The following HDAC9 variants were observed in gnomAD, a reference collection of about 807,000 sequenced individuals.
HDAC9 encodes the protein histone deacetylase 9, also known as MEF-2 interacting transcription repressor (MITR) protein.
In HDAC9, 41 loss-of-function variants were observed where a neutral mutation model predicts 139.4. The observed-to-expected ratio is 0.29, with a 90% CI of 0.23 to 0.38. HDAC9 has a LOEUF of 0.38. Among genes scored for constraint, HDAC9 ranks in the 10% least tolerant of loss-of-function variants. HDAC9 has a pLI of 1.00. For missense variants in HDAC9, 1,147 were observed against 1,297.0 expected (o/e 0.88, Z 1.78); for synonymous variants, 517 against 476.2 (o/e 1.09, Z -1.12).
intron 1 of HDAC9, among the ~76,000 whole-genome samples, chr7:18,399,257 G>T (rs534584094): frequency 3.2e-4 from 49 of 152,192 alleles, no homozygotes; most frequent in Admixed American, 4.6e-4. Flanking sequence ...AGGTGGTACT[G>T]AGTAAAACAA....
At chr7:18,224,683 A>C (rs1166907652) in intron 2 of HDAC9, among the ~76,000 whole-genome samples, 1 of 152,176 alleles carries the variant, frequency 6.6e-6, no homozygotes, top group Non-Finnish European at 1.5e-5. Context: ...CCCATAACCA[A>C]GAGAAAGGAG....
At chr7:18,767,667 G>C (rs1256957985) in intron 16 of HDAC9, among the ~76,000 whole-genome samples, 1 of 152,136 alleles carries the variant, frequency 6.6e-6, no homozygotes, top group Non-Finnish European at 1.5e-5. Context: ...GAAGCCTTTT[G>C]ACTCAACATA....
At chr7:18,662,465 T>A (rs947688588) in intron 11 of HDAC9, among the ~76,000 whole-genome samples, 8 of 151,696 alleles carry the variant, frequency 5.3e-5, no homozygotes, top group Middle Eastern at 3.4e-3. Context: ...GCTGAAAGAG[T>A]ACTAGTGAGA....
intron 6 of HDAC9, among the ~76,000 whole-genome samples, chr7:18,622,043 A>C (rs767692240): frequency 3.3e-5 from 5 of 152,204 alleles, no homozygotes; most frequent in Non-Finnish European, 7.3e-5. Flanking sequence ...TAGGTGATAG[A>C]TTATAATAAG....
At chr7:18,152,256 G>A (rs1472444498) in intron 1 of HDAC9, among the ~76,000 whole-genome samples, 1 of 152,078 alleles carries the variant, frequency 6.6e-6, no homozygotes, top group Non-Finnish European at 1.5e-5. Context: ...CATCCCTAGT[G>A]ACCCTGCAAG....
At chr7:18,228,459 T>C (rs1793220288) in intron 2 of HDAC9, among the ~76,000 whole-genome samples, 2 of 152,202 alleles carry the variant, frequency 1.3e-5, no homozygotes, top group Non-Finnish European at 2.9e-5. Flanking sequence ...GTCACTGTGA[T>C]AAAGGAAATC....
At chr7:18,162,085 AC>A (rs1787664839) in intron 1 of HDAC9, 4 of 493,144 alleles carry the variant, frequency 8.1e-6, no homozygotes, top group African/African-American at 7.8e-5. Flanking sequence ...AGACTTAGAG[AC>A]CTGTAAGGTT....
rs559501851 is a variant in HDAC9 at position 18,578,610 on chromosome 7, A to T, written c.23-6671A>T. ...AAGATCACATCTGGCTTTTTTGGGG[A>T]CATTTATCAGGCAAAGAACATAACC... On this transcript the variant is annotated intron_variant, in intron 2 of 25. Coordinates refer to ENST00000686413, the MANE Select transcript of HDAC9 (RefSeq NM_178425.4). Among the ~76,000 whole-genome samples the T allele has an allele frequency of 3.9e-5, 6 of 152,280 alleles. No homozygotes were observed. In the South Asian group the frequency reaches 1.2e-3, roughly 32 times the overall value.
intron 6 of HDAC9, among the ~76,000 whole-genome samples, chr7:18,627,822 T>C (rs1842104576): frequency 6.6e-6 from 1 of 152,184 alleles, no homozygotes. Context: ...TTTTATCTTT[T>C]CAGTATTTTC....
At chr7:18,893,949 C>T (rs1302603519) in intron 22 of HDAC9, among the ~76,000 whole-genome samples, 1 of 152,046 alleles carries the variant, frequency 6.6e-6, no homozygotes, top group African/African-American at 2.4e-5. Context: ...CCCACAGTGC[C>T]AAAGGAAGAA....
chr7:18,275,227 C>T (rs903598669), intron 2 of HDAC9, among the ~76,000 whole-genome samples: 1 of 152,190 alleles, frequency 6.6e-6, no homozygotes, highest in Non-Finnish European at 1.5e-5. Context: ...CAGTCAGAAA[C>T]TCCTCTTGTC....
At position 18,552,830 on chromosome 7, in the gene HDAC9, G is replaced by A. The variant is rs559439096; in HGVS notation, c.23-32451G>A. 9.9e-5 allele frequency among the ~76,000 whole-genome samples: 15 copies of A among 152,230 alleles called. No individual in the cohort carries two copies. The East Asian group carries it at 1.7e-3, about 18-fold the overall frequency. ...TGACTCTAGAGGTAAACCTGTACCC[G>A]GCATTTCAGTGTGTATGTGTGTTTG... is the stretch of plus-strand genomic sequence containing the variant. On this transcript the variant is annotated intron_variant, in intron 2 of 25. Transcript: ENST00000686413.
At chr7:18,249,965 C>G (rs1329549801) in intron 2 of HDAC9, among the ~76,000 whole-genome samples, 2 of 152,118 alleles carry the variant, frequency 1.3e-5, no homozygotes, top group East Asian at 1.9e-4. Flanking sequence ...AATGTCTTTT[C>G]AGCTGTGAAG....
At chr7:18,539,140 A>C (rs1170659667) in intron 2 of HDAC9, among the ~76,000 whole-genome samples, 1 of 152,220 alleles carries the variant, frequency 6.6e-6, no homozygotes, top group African/African-American at 2.4e-5. Context: ...TTTAGGGAAC[A>C]CAGAAACACA....
chr7:18,985,605 A>C (rs921355014), intron 25 of HDAC9, among the ~76,000 whole-genome samples: 3 of 149,004 alleles, frequency 2.0e-5, no homozygotes, highest in African/African-American at 7.5e-5. Context: ...TGGCTGGGTC[A>C]AATGGTATTT....
At chr7:18,105,867 A>G (rs946123919) in intron 1 of HDAC9, among the ~76,000 whole-genome samples, 1 of 152,244 alleles carries the variant, frequency 6.6e-6, no homozygotes, top group Non-Finnish European at 1.5e-5. Context: ...AATGTGGTGT[A>G]GTTGCACAAT....
chr7:18,728,112 C>T (rs953849071), intron 13 of HDAC9, among the ~76,000 whole-genome samples: 1 of 152,170 alleles, frequency 6.6e-6, no homozygotes, highest in African/African-American at 2.4e-5. Flanking sequence ...TTGGCTTCCT[C>T]ATTTGACTCC....
At chr7:18,568,020 G>GTATATATATATATATATA (rs1298781990) in intron 2 of HDAC9, among the ~76,000 whole-genome samples, 1 of 48,848 alleles carries the variant, frequency 2.0e-5, no homozygotes, top group African/African-American at 1.2e-4. Context: ...CAGGATATAT[G>GTATATATATATATATATA]TATATGTATA....
intron 2 of HDAC9, among the ~76,000 whole-genome samples, chr7:18,202,944 C>T (rs1204037803): frequency 6.6e-6 from 1 of 152,166 alleles, no homozygotes; most frequent in South Asian, 2.1e-4. Flanking sequence ...ATTAAGATAT[C>T]TACCTCGAAA....
Sources: allele counts gnomAD v4.1 joint callset (sites outside exome capture counted in the v4.1 genomes callset), GRCh38; gene constraint gnomAD v4.1.1; transcripts MANE v1.5; gene names NCBI Gene and HGNC (gene_info 2026-07-23, HGNC 2026-07-21).